KIAA1143: variants seen among roughly 807,000 people sequenced by gnomAD.
The protein encoded by KIAA1143 is KIAA1143.
A neutral mutation model predicts 17.0 loss-of-function variants in KIAA1143; 8 were observed. The observed-to-expected ratio is 0.47, with a 90% CI of 0.28 to 0.85. The LOEUF is 0.85. KIAA1143 is among the 40% of genes least tolerant of loss of function. The pLI, the probability that KIAA1143 is intolerant of heterozygous loss-of-function variation, is 0.12. For synonymous variants in KIAA1143, 64 were observed against 67.8 expected (o/e 0.94, Z 0.27); for missense variants, 162 against 183.3 (o/e 0.88, Z 0.67).
At chr3:44,753,955 A>T (rs1384858128) in intron 2 of KIAA1143, among the ~76,000 whole-genome samples, 1 of 146,064 alleles carries the variant, frequency 6.8e-6, no homozygotes, top group Non-Finnish European at 1.5e-5. Flanking sequence ...CCATCTATTT[A>T]AAAAAAAAAA....
At position 44,749,696 on chromosome 3, in the gene KIAA1143, A is replaced by G. The variant is rs1259102988; in HGVS notation, c.*3645T>C. ...TCTAGGACAATTGATTATTTGAGAA[A>G]AAAGTATACTCTAATAAATTCCAGA... On this transcript the variant is annotated 3_prime_UTR_variant, in exon 3 of 3. Coordinates refer to ENST00000296121, the MANE Select transcript of KIAA1143 (RefSeq NM_020696.4). 4 of 152,252 alleles carry G rather than the reference A, an allele frequency of 2.6e-5. No homozygotes were observed. The highest frequency in any genetic ancestry group is 5.9e-5 in the Non-Finnish European group (4 of 68,042). 9.4% of individuals were successfully genotyped at this position (152,252 alleles called of 1,614,324 possible). A position where few individuals can be genotyped will look rare whatever the true frequency, so the allele number is the denominator to read the frequency against.
Position 44,759,894 on chromosome 3 carries a change from C to CAAAAAA in KIAA1143, c.108+1595_108+1600dup, listed in dbSNP as rs527806223. ...TGGGCGACAGAGTGAGACCCTATCTCAAAAAAAAAAAAAAAAAAAAAGTCC... is the reference window on the plus strand; with the variant it reads ...TGGGCGACAGAGTGAGACCCTATCTCAAAAAAAAAAAAAAAAAAAAAAAAAAAGTCC... On this transcript the variant is annotated intron_variant, in intron 1 of 2. Transcript: ENST00000296121. Among the ~76,000 whole-genome samples the CAAAAAA allele has an allele frequency of 1.6e-4, 8 of 51,092 alleles. 1 individual carries two copies. In the East Asian group the frequency reaches 2.4e-3, roughly 15 times the overall value. The allele number at this position is 51,092 out of a possible 152,430, so 33.5% of individuals were successfully genotyped here. A position where few individuals can be genotyped will look rare whatever the true frequency, so the allele number is the denominator to read the frequency against.
intron 1 of KIAA1143, among the ~76,000 whole-genome samples, chr3:44,758,227 AG>A (rs1370742762): frequency 6.6e-6 from 1 of 152,152 alleles, no homozygotes; most frequent in East Asian, 1.9e-4. Flanking sequence ...TTGACTGATG[AG>A]GGTGGTGGTT....
intron 1 of KIAA1143, among the ~76,000 whole-genome samples, chr3:44,758,412 G>A (rs1705009313): frequency 6.6e-6 from 1 of 152,164 alleles, no homozygotes; most frequent in South Asian, 2.1e-4. Context: ...TAAACCTGCT[G>A]CTGCTTTACC....
intron 1 of KIAA1143, among the ~76,000 whole-genome samples, chr3:44,755,150 A>T (rs1394191763): frequency 6.6e-6 from 1 of 152,200 alleles, no homozygotes; most frequent in Admixed American, 6.5e-5. Context: ...TCTGATTTTT[A>T]AAAAATCACT....
chr3:44,756,152 C>G (rs1424795584), intron 1 of KIAA1143, among the ~76,000 whole-genome samples: 7 of 152,212 alleles, frequency 4.6e-5, no homozygotes, highest in African/African-American at 1.4e-4. Context: ...AATTCTGACT[C>G]TCTTCTCTTT....
At chr3:44,760,313 T>C (rs994907262) in intron 1 of KIAA1143, among the ~76,000 whole-genome samples, 2 of 152,236 alleles carry the variant, frequency 1.3e-5, no homozygotes, top group Admixed American at 6.5e-5. Flanking sequence ...TAGACAACAA[T>C]AGTCAGGTGT....
intron 1 of KIAA1143, among the ~76,000 whole-genome samples, chr3:44,758,289 T>C (rs943505324): frequency 1.1e-4 from 16 of 152,124 alleles, no homozygotes; most frequent in African/African-American, 3.9e-4. Flanking sequence ...ACGATGAAGT[T>C]TGCTGCATTG....
intron 1 of KIAA1143, among the ~76,000 whole-genome samples, chr3:44,757,174 G>A (rs570673238): frequency 6.6e-6 from 1 of 152,344 alleles, no homozygotes; most frequent in African/African-American, 2.4e-5. Flanking sequence ...AGGACCTCAA[G>A]CAAGGTAAAG....
In KIAA1143 at chr3:44,752,816, A is replaced by G. The variant is rs1704908651; in HGVS notation, c.*525T>C. 1 of 152,698 alleles carries G rather than the reference A, an allele frequency of 6.5e-6. No individual in the cohort carries two copies. Among genetic ancestry groups the G allele is most frequent in the African/African-American group, 2.4e-5 (1 of 41,470 alleles). 9.5% of individuals were successfully genotyped at this position (152,698 alleles called of 1,614,324 possible). A position where few individuals can be genotyped will look rare whatever the true frequency, so the allele number is the denominator to read the frequency against. ...CCACCTGTATTTCTTAACTTGCCAGAGCTGAGTCTCATGGCCACCCTTAGC... is the reference window on the plus strand; with the variant it reads ...CCACCTGTATTTCTTAACTTGCCAGGGCTGAGTCTCATGGCCACCCTTAGC... On this transcript the variant is annotated 3_prime_UTR_variant, in exon 3 of 3. Transcript: ENST00000296121.
Position 44,761,571 on chromosome 3 carries a change from C to A in KIAA1143, c.32G>T (p.Arg11Leu), listed in dbSNP as rs747415909. 2.5e-6 allele frequency: 4 copies of A among 1,613,832 alleles called. No individual in the cohort carries two copies. The highest frequency in any genetic ancestry group is 1.7e-5 in the Admixed American group (1 of 59,972). Residue 11 changes from arginine (R) to leucine (L), a missense_variant, in exon 1 of 3, where the codon CGG (arginine) becomes CTG (leucine). Physicochemically the swap from Arg to Leu is moderately radical, Grantham distance 102. Coordinates refer to ENST00000296121, the MANE Select transcript of KIAA1143 (RefSeq NM_020696.4). MSKRNQVSYV[R>L]PAEPAFLARF... ...GGCCAGAAACGCCGGCTCGGCTGGC[C>A]GCACGTACGATACCTGGTTCCGCTT...
In KIAA1143 at chr3:44,750,117, T is replaced by TG. The variant is rs1460857157; in HGVS notation, c.*3223dup. ...GTGATTCTTTATCTGACATAGAGGTTGGGAAACAGAACAACAAAAAAAAAT... is the reference window on the plus strand; with the variant it reads ...GTGATTCTTTATCTGACATAGAGGTTGGGGAAACAGAACAACAAAAAAAAAT... On this transcript the variant is annotated 3_prime_UTR_variant, in exon 3 of 3. Coordinates refer to ENST00000296121, the MANE Select transcript of KIAA1143 (RefSeq NM_020696.4). The TG allele has an allele frequency of 3.9e-5, 6 of 152,286 alleles. No homozygotes were observed. Among genetic ancestry groups the TG allele is most frequent in the African/African-American group, 1.4e-4 (6 of 41,548 alleles). The allele number at this position is 152,286 out of a possible 1,614,324, so 9.4% of individuals were successfully genotyped here.
chr3:44,760,667 C>T (rs1044538883), intron 1 of KIAA1143, among the ~76,000 whole-genome samples: 3 of 149,630 alleles, frequency 2.0e-5, no homozygotes, highest in East Asian at 2.0e-4. Flanking sequence ...GGATTACAGG[C>T]GTGAGCCACC....
At chr3:44,755,524 T>A (rs564885025) in intron 1 of KIAA1143, among the ~76,000 whole-genome samples, 1 of 152,180 alleles carries the variant, frequency 6.6e-6, no homozygotes, top group Non-Finnish European at 1.5e-5. Flanking sequence ...TCATGGCATC[T>A]AGACTCTGGC....
intron 1 of KIAA1143, among the ~76,000 whole-genome samples, chr3:44,754,979 G>C (rs543768839): frequency 2.0e-5 from 3 of 152,120 alleles, no homozygotes; most frequent in Non-Finnish European, 4.4e-5. Flanking sequence ...AAAGTACAGA[G>C]AATAACATAA....
At chr3:44,760,281 T>A (rs2125881841) in intron 1 of KIAA1143, among the ~76,000 whole-genome samples, 1 of 152,370 alleles carries the variant, frequency 6.6e-6, no homozygotes, top group Non-Finnish European at 1.5e-5. Flanking sequence ...ATTCATGTGT[T>A]CAATACTGAT....
rs1204291909 is a variant in KIAA1143 at position 44,754,242 on chromosome 3, T to C, written c.235A>G (p.Ile79Val). 2 of 1,613,642 alleles carry C rather than the reference T, an allele frequency of 1.2e-6. No homozygotes were observed. Among genetic ancestry groups the C allele is most frequent in the Admixed American group, 3.3e-5 (2 of 60,022 alleles). The change falls in exon 2 of 3, where the codon ATA becomes GTA. Residue 79 changes from isoleucine (I) to valine (V), a missense_variant. Coordinates refer to ENST00000296121, the MANE Select transcript of KIAA1143 (RefSeq NM_020696.4). Reference sequence around the variant, plus strand: ...GACCTACCTGCTTTGGCAGCCTTTATTTCTGCTTTAATTTTCATGACTTCT... The same window carrying C: ...GACCTACCTGCTTTGGCAGCCTTTACTTCTGCTTTAATTTTCATGACTTCT... Reference protein sequence around the residue: ...VEEVMKIKAEIKAAKADEEPT... With the variant: ...VEEVMKIKAEVKAAKADEEPT...
intron 1 of KIAA1143, among the ~76,000 whole-genome samples, chr3:44,758,223 G>C (rs1332533928): frequency 6.6e-6 from 1 of 152,202 alleles, no homozygotes; most frequent in East Asian, 1.9e-4. Flanking sequence ...GATGTTGACT[G>C]ATGAGGGTGG....
Position 44,754,259 on chromosome 3 carries a change from A to G in KIAA1143, c.218T>C (p.Met73Thr), listed in dbSNP as rs774863378. Residue 73 changes from methionine to threonine, a missense_variant, in exon 2 of 3, where the codon ATG becomes ACG. By Grantham distance (81) the Met-to-Thr change is moderately conservative. Transcript: ENST00000296121. Reference protein sequence around the residue: ...KKGDLSVEEVMKIKAEIKAAK... With the variant: ...KKGDLSVEEVTKIKAEIKAAK... The stretch of plus-strand genomic sequence containing the variant: ...AGCCTTTATTTCTGCTTTAATTTTC[A>G]TGACTTCTTCAACTGACAGGTCTCC... The G allele has an allele frequency of 1.2e-6, 2 of 1,613,960 alleles. No homozygotes were observed. The highest frequency in any genetic ancestry group is 1.7e-6 in the Non-Finnish European group (2 of 1,179,988).
Sources: allele counts gnomAD v4.1 joint callset (sites outside exome capture counted in the v4.1 genomes callset), GRCh38; gene constraint gnomAD v4.1.1; transcripts MANE v1.5; gene names NCBI Gene and HGNC (gene_info 2026-07-23, HGNC 2026-07-21).